Variants in GSG1L observed in about 807,000 individuals in gnomAD.
The protein encoded by GSG1L is GSG1 like, also known as germ cell-specific gene 1-like protein.
In GSG1L, 24 loss-of-function variants were observed where a neutral mutation model predicts 42.1. That is an observed-to-expected ratio of 0.57 (90% CI 0.41 to 0.80). GSG1L has a LOEUF of 0.80. Among genes scored for constraint, GSG1L ranks in the 30% least tolerant of loss-of-function variants. GSG1L has a pLI of 0.00. For missense variants in GSG1L, 445 were observed against 472.2 expected (o/e 0.94, Z 0.53); for synonymous variants, 215 against 203.5 (o/e 1.06, Z -0.48).
chr16:27,856,825 C>A (rs2083584859), intron 3 of GSG1L, among the ~76,000 whole-genome samples: 1 of 152,150 alleles, frequency 6.6e-6, no homozygotes, highest in African/African-American at 2.4e-5. Context: ...AGAATGCAGA[C>A]AGATGAAGCA....
intron 4 of GSG1L, among the ~76,000 whole-genome samples, chr16:27,843,713 T>G (rs1275584700): frequency 6.6e-6 from 1 of 152,140 alleles, no homozygotes; most frequent in African/African-American, 2.4e-5. Context: ...GACTTTGTGG[T>G]AGCTCACTCA....
intron 3 of GSG1L, among the ~76,000 whole-genome samples, chr16:27,851,741 C>T (rs1212048349): frequency 1.3e-5 from 2 of 152,248 alleles, no homozygotes; most frequent in Non-Finnish European, 2.9e-5. Context: ...CTGTGGGATT[C>T]AGGTAGGGAG....
intron 1 of GSG1L, among the ~76,000 whole-genome samples, chr16:28,027,357 T>G (rs1392184142): frequency 6.6e-6 from 1 of 152,156 alleles, no homozygotes; most frequent in Non-Finnish European, 1.5e-5. Context: ...CCTGAGCCTT[T>G]TCTCCAGAGT....
rs926807765 is a variant in GSG1L at position 28,063,668 on chromosome 16, C to G, written c.-244G>C. Among the ~76,000 whole-genome samples the G allele has an allele frequency of 6.7e-6, 1 of 148,402 alleles. No homozygotes were observed. Among genetic ancestry groups the G allele is most frequent in the Non-Finnish European group, 1.5e-5 (1 of 66,596 alleles). ...GGTGGAGGAGCGGCTACGGCGCGCC[C>G]GGAGCCCGGAGCGCGAGTGCACCTC... is the stretch of plus-strand genomic sequence containing the variant. On this transcript the variant is annotated 5_prime_UTR_variant, in exon 1 of 7. Coordinates refer to ENST00000447459, the MANE Select transcript of GSG1L (RefSeq NM_001109763.2). This position sits in a 1 kb window ranked among gnomAD's most constrained non-coding sequence, Gnocchi z 5.8.
chr16:27,884,678 A>G lies in GSG1L; in HGVS notation c.398-40T>C, dbSNP rs147871573. On this transcript the variant is annotated intron_variant, in intron 2 of 6. Transcript: ENST00000447459. This position sits in a 1 kb window ranked among gnomAD's most constrained non-coding sequence, Gnocchi z 4.4. ...CAGAGAGGCCGTGAGATGAGGGGCCACCCAAGATAGACTCACCCTGTGCCT... is the reference window on the plus strand; with the variant it reads ...CAGAGAGGCCGTGAGATGAGGGGCCGCCCAAGATAGACTCACCCTGTGCCT... The G allele has an allele frequency of 1.9e-6, 3 of 1,544,442 alleles. No individual in the cohort carries two copies. Among genetic ancestry groups the G allele is most frequent in the Non-Finnish European group, 1.8e-6 (2 of 1,141,886 alleles).
chr16:27,838,786 G>A (rs1366970496), intron 4 of GSG1L, among the ~76,000 whole-genome samples: 1 of 152,184 alleles, frequency 6.6e-6, no homozygotes, highest in South Asian at 2.1e-4. Context: ...GATGGGACTA[G>A]GAGCTGGATA....
chr16:27,816,826 C>A (rs1311361365), intron 5 of GSG1L, among the ~76,000 whole-genome samples: 1 of 152,120 alleles, frequency 6.6e-6, no homozygotes, highest in African/African-American at 2.4e-5. Flanking sequence ...CGGTACCCTG[C>A]CGACTCCCAG....
intron 2 of GSG1L, among the ~76,000 whole-genome samples, chr16:27,911,684 C>A (rs1037715261): frequency 2.0e-5 from 3 of 152,148 alleles, no homozygotes; most frequent in Admixed American, 2.0e-4. Context: ...CTCCCCCAAC[C>A]ACATGGCATC....
At chr16:27,895,325 G>C (rs1233146613) in intron 2 of GSG1L, among the ~76,000 whole-genome samples, 1 of 152,200 alleles carries the variant, frequency 6.6e-6, no homozygotes, top group East Asian at 1.9e-4. Flanking sequence ...CCTCAGACAG[G>C]GGACACGGAT....
chr16:27,915,630 G>A (rs917089899), intron 2 of GSG1L, among the ~76,000 whole-genome samples: 3 of 152,166 alleles, frequency 2.0e-5, no homozygotes, highest in Admixed American at 2.0e-4. Context: ...GTCTTGAGGA[G>A]ATTGAAAATA....
intron 4 of GSG1L, among the ~76,000 whole-genome samples, chr16:27,834,542 T>C (rs1281058303): frequency 2.0e-5 from 3 of 152,132 alleles, no homozygotes; most frequent in Non-Finnish European, 4.4e-5. Flanking sequence ...AGTAAAACCA[T>C]CTGGACCTGG....
At chr16:27,915,865 G>A (rs2084449402) in intron 2 of GSG1L, among the ~76,000 whole-genome samples, 1 of 152,202 alleles carries the variant, frequency 6.6e-6, no homozygotes, top group Non-Finnish European at 1.5e-5. Context: ...GGAACAGACA[G>A]ACAACCTGGG....
chr16:27,810,631 T>C (rs530636498), intron 5 of GSG1L, among the ~76,000 whole-genome samples: 2 of 152,308 alleles, frequency 1.3e-5, no homozygotes, highest in African/African-American at 4.8e-5. Flanking sequence ...AGAATGAGTG[T>C]TGATGCCTTA....
At chr16:27,833,534 T>G (rs1331164562) in intron 4 of GSG1L, among the ~76,000 whole-genome samples, 1 of 152,200 alleles carries the variant, frequency 6.6e-6, no homozygotes, top group Non-Finnish European at 1.5e-5. Context: ...TATAAGAAAT[T>G]TGATGTCTTC....
chr16:27,887,325 A>ACTGAAT (rs2073694070), intron 2 of GSG1L, among the ~76,000 whole-genome samples: 1 of 152,222 alleles, frequency 6.6e-6, no homozygotes, highest in Admixed American at 6.5e-5. Flanking sequence ...GAATCACCAG[A>ACTGAAT]CAGCAAGAGC....
intron 1 of GSG1L, among the ~76,000 whole-genome samples, chr16:27,997,856 C>CTTTTTTTT (rs35354576): frequency 1.2e-5 from 1 of 85,102 alleles, no homozygotes; most frequent in Non-Finnish European, 2.2e-5. Flanking sequence ...ACCCTCTCCA[C>CTTTTTTTT]TTTTTTTTTT....
At chr16:27,824,769 T>C (rs564965107) in intron 5 of GSG1L, among the ~76,000 whole-genome samples, 44 of 152,264 alleles carry the variant, frequency 2.9e-4, no homozygotes, top group African/African-American at 1.1e-3. Flanking sequence ...TTCTTGTTGA[T>C]GGGGTACGGA....
rs1433023676 is a variant in GSG1L, at chr16:27,810,077, T to A, written c.831-2523A>T. ...TTCACCAGGAACTTCCTGAGGACCT[T>A]CTCTGTTGGCACCAGATGCTGTGTG... On this transcript the variant is annotated intron_variant, in intron 5 of 6. Transcript: ENST00000447459. Among the ~76,000 whole-genome samples, 6 of 152,230 alleles carry A rather than the reference T, an allele frequency of 3.9e-5. No homozygotes were observed. The East Asian group carries it at 1.2e-3, about 29-fold the overall frequency.
intron 2 of GSG1L, among the ~76,000 whole-genome samples, chr16:27,937,901 G>A (rs980959658): frequency 6.6e-6 from 1 of 152,062 alleles, no homozygotes; most frequent in Non-Finnish European, 1.5e-5. Flanking sequence ...CTACACATCC[G>A]TTTCATTCTT....
Sources: gnomAD v4.1 joint callset for allele counts (sites outside exome capture counted in the v4.1 genomes callset) on GRCh38, gnomAD v4.1.1 for gene constraint, Gnocchi (gnomAD v3.1) non-coding constraint, MANE v1.5 for transcripts, NCBI Gene and HGNC (gene_info 2026-07-23, HGNC 2026-07-21) for gene names.